Variants in GHR observed in about 807,000 individuals in gnomAD.
GHR encodes growth hormone receptor.
Under a neutral mutation model 67.1 loss-of-function variants are expected in GHR, and 35 were observed. The observed-to-expected ratio is 0.52, with a 90% CI of 0.40 to 0.69. The LOEUF (loss-of-function observed/expected upper bound fraction) is 0.69, where lower values mean the gene tolerates loss of function less well. GHR is among the 30% of genes least tolerant of loss of function. The pLI is 0.00. For missense variants in GHR, 792 were observed against 764.6 expected (o/e 1.04, Z -0.42); for synonymous variants, 272 against 269.1 (o/e 1.01, Z -0.10).
chr5:42,619,798 A>G (rs1561173056), intron 2 of GHR: 1 of 152,126 alleles, frequency 6.6e-6, no homozygotes, highest in Non-Finnish European at 1.5e-5. Context: ...AGAGGGAAAA[A>G]TACACCTTAA....
At chr5:42,540,278 A>T (rs1290681414) in intron 1 of GHR, among the ~76,000 whole-genome samples, 1 of 148,596 alleles carries the variant, frequency 6.7e-6, no homozygotes, top group Non-Finnish European at 1.5e-5. Flanking sequence ...TATTTTGGTA[A>T]ATTTGCTTTT....
At chr5:42,448,244 A>G (rs1473781218) in intron 1 of GHR, among the ~76,000 whole-genome samples, 1 of 152,008 alleles carries the variant, frequency 6.6e-6, no homozygotes, top group Non-Finnish European at 1.5e-5. Context: ...CACTACCTTC[A>G]TGCCAACATC....
At chr5:42,483,241 G>C (rs1745733281) in intron 1 of GHR, among the ~76,000 whole-genome samples, 1 of 152,046 alleles carries the variant, frequency 6.6e-6, no homozygotes, top group Non-Finnish European at 1.5e-5. Context: ...TTGTAGAGCT[G>C]GGGTTTTGCC....
chr5:42,556,851 C>T (rs1749337604), intron 1 of GHR, among the ~76,000 whole-genome samples: 1 of 152,174 alleles, frequency 6.6e-6, no homozygotes, highest in South Asian at 2.1e-4. Context: ...AATAACGGTG[C>T]ATACCAATAT....
At chr5:42,660,754 G>A (rs189376849) in intron 3 of GHR, among the ~76,000 whole-genome samples, 2 of 152,346 alleles carry the variant, frequency 1.3e-5, no homozygotes, top group African/African-American at 4.8e-5. Context: ...GAACAAAGCT[G>A]GACGGAGAAT....
chr5:42,668,529 A>C (rs1445667164), intron 3 of GHR, among the ~76,000 whole-genome samples: 3 of 152,118 alleles, frequency 2.0e-5, no homozygotes, highest in Non-Finnish European at 4.4e-5. Flanking sequence ...GAGAACCCTT[A>C]GTTTAGAAAA....
intron 5 of GHR, among the ~76,000 whole-genome samples, chr5:42,699,184 T>A (rs1275721714): frequency 6.6e-6 from 1 of 152,050 alleles, no homozygotes; most frequent in South Asian, 2.1e-4. Context: ...TGCAGGAAGA[T>A]TGTATGAGAA....
At chr5:42,467,258 G>A in intron 1 of GHR, 1 of 1,337,906 alleles carries the variant, frequency 7.5e-7, no homozygotes, top group Non-Finnish European at 1.1e-6. Flanking sequence ...TACATAATAA[G>A]GTGTGAAAAA....
chr5:42,688,951 C>T lies in GHR; in HGVS notation c.198C>T (p.Cys66=). 6.2e-7 allele frequency: 1 copy of T among 1,612,588 alleles called. No individual in the cohort carries two copies. Among genetic ancestry groups the T allele is most frequent in the Non-Finnish European group, 8.5e-7 (1 of 1,178,610 alleles). ...CACCTGAGCGAGAGACTTTTTCATGCCACTGGACAGATGAGGTTCATCATG... is the reference window on the plus strand; with the variant it reads ...CACCTGAGCGAGAGACTTTTTCATGTCACTGGACAGATGAGGTTCATCATG... ...CRSPERETFS[C]HWTDEVHHGT... The change falls in exon 4 of 10, where the codon TGC becomes TGT. Residue 66 remains cysteine (C), a synonymous_variant. Transcript: ENST00000230882.
chr5:42,430,454 T>C (rs1346903595), intron 1 of GHR, among the ~76,000 whole-genome samples: 2 of 152,168 alleles, frequency 1.3e-5, no homozygotes, highest in Non-Finnish European at 2.9e-5. Flanking sequence ...CTATGTTTCT[T>C]GGTGCAGTGG....
chr5:42,441,493 G>A (rs532018299), intron 1 of GHR, among the ~76,000 whole-genome samples: 1 of 151,252 alleles, frequency 6.6e-6, no homozygotes, highest in African/African-American at 2.4e-5. Flanking sequence ...AACTAGAGGA[G>A]GAAATGGAGT....
chr5:42,466,018 T>G, intron 1 of GHR: 1 of 543,650 alleles, frequency 1.8e-6, no homozygotes, highest in Non-Finnish European at 3.4e-6. Context: ...CTTTTTGTGT[T>G]TTTTATTTTT....
intron 1 of GHR, among the ~76,000 whole-genome samples, chr5:42,494,467 A>G (rs557639313): frequency 5.3e-5 from 8 of 152,206 alleles, no homozygotes; most frequent in Admixed American, 5.2e-4. Context: ...AAACTCCCCC[A>G]GTACCATCAA....
In GHR at chr5:42,505,653, G is replaced by T. The variant is rs1404288885; in HGVS notation, c.-11-60211G>T. Among the ~76,000 whole-genome samples, 3 of 152,034 alleles carry T rather than the reference G, an allele frequency of 2.0e-5. No homozygotes were observed. In the East Asian group the frequency reaches 5.8e-4, roughly 29 times the overall value. On this transcript the variant is annotated intron_variant, in intron 1 of 9. Coordinates refer to ENST00000230882, the MANE Select transcript of GHR (RefSeq NM_000163.5). ...CAAGAGATTGCTTTTGTGAGATTTC[G>T]CTTATCCTGTGTGGGCCTCAGCTTC...
At chr5:42,642,643 A>G (rs1474275361) in intron 3 of GHR, among the ~76,000 whole-genome samples, 1 of 152,176 alleles carries the variant, frequency 6.6e-6, no homozygotes, top group Non-Finnish European at 1.5e-5. Flanking sequence ...AATGTACTGA[A>G]TTGAACTTCA....
intron 1 of GHR, among the ~76,000 whole-genome samples, chr5:42,463,937 G>C (rs1313646183): frequency 4.3e-5 from 6 of 138,434 alleles, no homozygotes; most frequent in Admixed American, 7.6e-5. Context: ...AGCTTGCAGT[G>C]AGCCGAGATC....
chr5:42,632,512 G>A (rs1753978848), intron 3 of GHR, among the ~76,000 whole-genome samples: 2 of 152,192 alleles, frequency 1.3e-5, no homozygotes. Flanking sequence ...AAAACTGTCT[G>A]TCACATTTGC....
intron 2 of GHR, among the ~76,000 whole-genome samples, chr5:42,613,435 G>A (rs1752984338): frequency 6.6e-6 from 1 of 152,050 alleles, no homozygotes; most frequent in South Asian, 2.1e-4. Context: ...TATGTTTGAT[G>A]ACTAATTGTA....
chr5:42,437,371 T>C (rs1743370168), intron 1 of GHR, among the ~76,000 whole-genome samples: 1 of 152,132 alleles, frequency 6.6e-6, no homozygotes, highest in African/African-American at 2.4e-5. Context: ...AAACTATGCT[T>C]CACCAAGCCT....
Sources: allele counts gnomAD v4.1 joint callset (sites outside exome capture counted in the v4.1 genomes callset), GRCh38; gene constraint gnomAD v4.1.1; transcripts MANE v1.5; gene names NCBI Gene and HGNC (gene_info 2026-07-23, HGNC 2026-07-21).